The following IGFBP6 variants were observed in gnomAD, a reference collection of about 807,000 sequenced individuals.
IGFBP6 encodes the protein insulin like growth factor binding protein 6.
In IGFBP6, 24 loss-of-function variants were observed where a neutral mutation model predicts 24.5. The ratio of observed to expected loss-of-function variants is 0.98; its 90% CI spans 0.71 to 1.38. The LOEUF (loss-of-function observed/expected upper bound fraction) is 1.38. Among genes scored for constraint, IGFBP6 ranks in the 40% most tolerant of loss-of-function variants. IGFBP6 has a pLI of 0.00. For synonymous variants in IGFBP6, 147 were observed against 137.4 expected, an observed-to-expected ratio of 1.07 and a Z score of -0.49; for missense variants, 331 against 324.8, an observed-to-expected ratio of 1.02 and a Z score of -0.15.
rs112329640 is a variant in IGFBP6, at chr12:53,101,923, A to G, written c.601-122A>G. 694 of 852,728 alleles carry G rather than the reference A, an allele frequency of 8.1e-4. 7 individuals carry two copies. The African/African-American group carries it at 0.01, about 13-fold the overall frequency. The allele number at this position is 852,728 out of a possible 1,614,324, so 52.8% of individuals were successfully genotyped here. Reference sequence around the variant, plus strand: ...CAAAAAAAAAAAAAAAAAAAAAAAAAAGAGAGGGAACCCCCGAGGAGACGC... The same window carrying G: ...CAAAAAAAAAAAAAAAAAAAAAAAAGAGAGAGGGAACCCCCGAGGAGACGC... On this transcript the variant is annotated intron_variant, in intron 3 of 3. Transcript: ENST00000301464.
rs778694914 is a variant in IGFBP6 at position 53,102,138 on chromosome 12, T to C, written c.694T>C (p.Ser232Pro). 1.2e-6 allele frequency: 2 copies of C among 1,613,888 alleles called. No homozygotes were observed. Among genetic ancestry groups the C allele is most frequent in the Non-Finnish European group, 1.7e-6 (2 of 1,179,950 alleles). Residue 232 changes from serine to proline, a missense_variant, in exon 4 of 4, where the codon TCC (serine) becomes CCC (proline). Physicochemically the swap from Ser to Pro is moderately conservative, Grantham distance 74 (BLOSUM62 -1). Transcript: ENST00000301464. Reference sequence around the variant, plus strand: ...AGGGTCTCCAGATGGCAATGGAAGCTCCTCCTGCCCCACTGGGAGTAGCGG... The same window carrying C: ...AGGGTCTCCAGATGGCAATGGAAGCCCCTCCTGCCCCACTGGGAGTAGCGG... ...LPGSPDGNGSSSCPTGSSG is the reference protein window; with the variant it reads ...LPGSPDGNGSPSCPTGSSG
chr12:53,098,057 T>C lies in IGFBP6; in HGVS notation c.334+6T>C. The C allele has an allele frequency of 7.0e-7, 1 of 1,428,692 alleles. No homozygotes were observed. The allele number at this position is 1,428,692 out of a possible 1,614,324, so 88.5% of individuals were successfully genotyped here. A position where few individuals can be genotyped will look rare whatever the true frequency, so the allele number is the denominator to read the frequency against. ...TCCGGCCCGCGCGCCTGCTGGTGAG[T>C]CCGCGCCCCGCCCCTGCCCCGCCCA... On this transcript the variant is annotated splice_donor_region_variant and intron_variant, in intron 1 of 3. Transcript: ENST00000301464.
At chr12:53,099,777 GTTAATTTTTTAAAATTAAGTAATTAA>G (rs9658612) in intron 1 of IGFBP6, among the ~76,000 whole-genome samples, 28 of 151,070 alleles carry the variant, frequency 1.9e-4, no homozygotes, top group East Asian at 5.8e-4. Context: ...TAAGTAATTA[GTTAATTTTTTAAAATTAAGTAATTAA>G]TTAATTTTTT....
At chr12:53,098,252 C>T (rs1285366268) in intron 1 of IGFBP6, among the ~76,000 whole-genome samples, 1 of 152,246 alleles carries the variant, frequency 6.6e-6, no homozygotes, top group African/African-American at 2.4e-5. Context: ...GGTGATACAG[C>T]AGAAGGTGTC....
At chr12:53,099,801 T>TAGTTAATTTTTTAA in intron 1 of IGFBP6, among the ~76,000 whole-genome samples, 1 of 151,420 alleles carries the variant, frequency 6.6e-6, no homozygotes, top group Non-Finnish European at 1.5e-5. Context: ...ATTAAGTAAT[T>TAGTTAATTTTTTAA]AATTAATTTT....
intron 1 of IGFBP6, among the ~76,000 whole-genome samples, chr12:53,098,657 G>T (rs1592272377): frequency 6.6e-6 from 1 of 152,208 alleles, no homozygotes; most frequent in East Asian, 1.9e-4. Flanking sequence ...GGGAGAAAGA[G>T]TAGGGGAAAG....
In IGFBP6 at chr12:53,100,800, A is replaced by T. The variant is rs1238043841; in HGVS notation, c.423A>T (p.Pro141=). The change falls in exon 2 of 4, where the codon CCA becomes CCT. Residue 141 remains proline, a synonymous_variant. Transcript: ENST00000301464. Reference sequence around the variant, plus strand: ...ACCGCAGAGACCAACAGAGGAATCCAGGCACCTCTACCACGCCCTCCCAGC... The same window carrying T: ...ACCGCAGAGACCAACAGAGGAATCCTGGCACCTCTACCACGCCCTCCCAGC... ...DVNRRDQQRN[P]GTSTTPSQPN... 6.2e-7 allele frequency: 1 copy of T among 1,614,198 alleles called. No homozygotes were observed.
In IGFBP6 at chr12:53,100,376, G is replaced by A. The variant is rs564560594; in HGVS notation, c.335-336G>A. 4.6e-5 allele frequency among the ~76,000 whole-genome samples: 7 copies of A among 152,258 alleles called. No homozygotes were observed. In the South Asian group the frequency reaches 1.0e-3, roughly 23 times the overall value. On this transcript the variant is annotated intron_variant, in intron 1 of 3. Coordinates refer to ENST00000301464, the MANE Select transcript of IGFBP6 (RefSeq NM_002178.3). ...AGGTTCTCATTATGTTGCCCAGGCT[G>A]GTCTCAAACTCCTGGGCTCGAGCAA...
At chr12:53,098,326 G>A (rs1220308695) in intron 1 of IGFBP6, among the ~76,000 whole-genome samples, 1 of 152,216 alleles carries the variant, frequency 6.6e-6, no homozygotes, top group African/African-American at 2.4e-5. Flanking sequence ...GTGCAGGTGG[G>A]AACTTGGGGG....
Position 53,098,034 on chromosome 12 carries a change from C to G in IGFBP6, c.317C>G (p.Pro106Arg). ...ALLLGRGRCLPARAPAVAEEN... is the reference protein window; with the variant it reads ...ALLLGRGRCLRARAPAVAEEN... The stretch of plus-strand genomic sequence containing the variant: ...CTGCTCGGCCGAGGCCGCTGCCTTC[C>G]GGCCCGCGCGCCTGCTGGTGAGTCC... The change falls in exon 1 of 4, where the codon CCG becomes CGG. Residue 106 changes from proline to arginine, a missense_variant. Physicochemically the swap from Pro to Arg is moderately radical, Grantham distance 103. Coordinates refer to ENST00000301464, the MANE Select transcript of IGFBP6 (RefSeq NM_002178.3). 1 of 1,468,472 alleles carries G rather than the reference C, an allele frequency of 6.8e-7. No individual in the cohort carries two copies. The highest frequency in any genetic ancestry group is 1.5e-5 in the African/African-American group (1 of 67,900). The allele number at this position is 1,468,472 out of a possible 1,614,324, so 91.0% of individuals were successfully genotyped here. A position where few individuals can be genotyped will look rare whatever the true frequency, so the allele number is the denominator to read the frequency against.
At position 53,097,912 on chromosome 12, in the gene IGFBP6, G is replaced by A. The variant is rs199698326; in HGVS notation, c.195G>A (p.Arg65=). 20 of 1,516,862 alleles carry A rather than the reference G, an allele frequency of 1.3e-5. No homozygotes were observed. The allele number at this position is 1,516,862 out of a possible 1,614,324, so 94.0% of individuals were successfully genotyped here. The change falls in exon 1 of 4, where the codon AGG becomes AGA. Residue 65 remains arginine, a synonymous_variant. Coordinates refer to ENST00000301464, the MANE Select transcript of IGFBP6 (RefSeq NM_002178.3). The part of the protein sequence containing the change: ...EGCAEAEGCL[R]REGQECGVYT... ...GCGCGGAAGCTGAGGGCTGTCTCAG[G>A]AGGGAGGGGCAGGAGTGCGGGGTCT...
At position 53,100,724 on chromosome 12, in the gene IGFBP6, A is replaced by G. The variant is rs1329576200; in HGVS notation, c.347A>G (p.Asn116Ser). The change falls in exon 2 of 4, where the codon AAT (asparagine) becomes AGT (serine). Residue 116 changes from asparagine to serine, a missense_variant. Asn to Ser is a conservative substitution (Grantham distance 46). Transcript: ENST00000301464. ...ATTCCTCCTCCAGTTGCAGAGGAGA[A>G]TCCTAAGGAGAGTAAACCCCAAGCA... ...PARAPAVAEE[N>S]PKESKPQAGT... 7 of 1,614,104 alleles carry G rather than the reference A, an allele frequency of 4.3e-6. No homozygotes were observed. The highest frequency in any genetic ancestry group is 1.7e-5 in the Admixed American group (1 of 60,014).
intron 1 of IGFBP6, 104 bp from the exon 2 acceptor site, chr12:53,100,608 C>A: frequency 9.4e-7 from 1 of 1,065,988 alleles, no homozygotes; most frequent in South Asian, 1.4e-5. Flanking sequence ...AACAGCGGGG[C>A]ATAAGGCCCT....
rs747848174 is a variant in IGFBP6 at position 53,102,143 on chromosome 12, C to T, written c.699C>T (p.Ser233=). The T allele has an allele frequency of 6.2e-7, 1 of 1,614,030 alleles. No individual in the cohort carries two copies. Among genetic ancestry groups the T allele is most frequent in the East Asian group, 2.2e-5 (1 of 44,874 alleles). Residue 233 remains serine, a synonymous_variant, in exon 4 of 4, where the codon TCC becomes TCT. Coordinates refer to ENST00000301464, the MANE Select transcript of IGFBP6 (RefSeq NM_002178.3). ...PGSPDGNGSS[S]CPTGSSG ...CTCCAGATGGCAATGGAAGCTCCTC[C>T]TGCCCCACTGGGAGTAGCGGCTAAA...
At chr12:53,099,264 C>T in intron 1 of IGFBP6, 1 of 453,718 alleles carries the variant, frequency 2.2e-6, no homozygotes, top group South Asian at 1.6e-5. Context: ...CACCCCTTCC[C>T]AGTCCTGAGC....
At position 53,099,803 on chromosome 12, in the gene IGFBP6, A is replaced by G. The variant is rs151129030; in HGVS notation, c.335-909A>G. On this transcript the variant is annotated intron_variant, in intron 1 of 3. Coordinates refer to ENST00000301464, the MANE Select transcript of IGFBP6 (RefSeq NM_002178.3). ...TTAATTTTTTAAAATTAAGTAATTA[A>G]TTAATTTTTTAAAATTAAGTAGTTA... Among the ~76,000 whole-genome samples the G allele has an allele frequency of 5.9e-3, 819 of 139,090 alleles. 5 individuals are homozygous for G. The highest frequency in any genetic ancestry group is 0.018 in the African/African-American group (599 of 32,898). 91.2% of individuals were successfully genotyped at this position (139,090 alleles called of 152,430 possible). A position where few individuals can be genotyped will look rare whatever the true frequency, so the allele number is the denominator to read the frequency against.
At chr12:53,098,444 C>T (rs760218930) in intron 1 of IGFBP6, among the ~76,000 whole-genome samples, 1 of 152,196 alleles carries the variant, frequency 6.6e-6, no homozygotes, top group Non-Finnish European at 1.5e-5. Flanking sequence ...AAATGTTGTT[C>T]TCAGCTTCCA....
rs745407442 is a variant in IGFBP6, at chr12:53,101,533, G to A, written c.600+373G>A. Among the ~76,000 whole-genome samples, 14 of 152,226 alleles carry A rather than the reference G, an allele frequency of 9.2e-5. No homozygotes were observed. In the South Asian group the frequency reaches 2.7e-3, roughly 29 times the overall value. On this transcript the variant is annotated intron_variant, in intron 3 of 3. Transcript: ENST00000301464. ...TCCCTCGTGATCCGGATTTGGGAAC[G>A]TCACTTTGAAAACTACTGTTCCAGG...
chr12:53,100,756 G>T lies in IGFBP6; in HGVS notation c.379G>T (p.Ala127Ser). The T allele has an allele frequency of 6.2e-7, 1 of 1,614,138 alleles. No homozygotes were observed. Among genetic ancestry groups the T allele is most frequent in the Non-Finnish European group, 8.5e-7 (1 of 1,180,002 alleles). ...PKESKPQAGT[A>S]RPQDVNRRDQ... ...GGAGAGTAAACCCCAAGCAGGCACT[G>T]CCCGCCCACAGGATGTGAACCGCAG... The change falls in exon 2 of 4, where the codon GCC (alanine) becomes TCC (serine). Residue 127 changes from alanine to serine, a missense_variant. Transcript: ENST00000301464.
Sources: allele counts gnomAD v4.1 joint callset (sites outside exome capture counted in the v4.1 genomes callset), GRCh38; gene constraint gnomAD v4.1.1; transcripts MANE v1.5; gene names NCBI Gene and HGNC (gene_info 2026-07-23, HGNC 2026-07-21).